The following NTN1 variants were observed in gnomAD, a reference collection of about 807,000 sequenced individuals.
The protein encoded by NTN1 is netrin 1.
In NTN1, 11 loss-of-function variants were observed where a neutral mutation model predicts 54.2. The observed-to-expected ratio is 0.20, with a 90% confidence interval of 0.13 to 0.34. The LOEUF (loss-of-function observed/expected upper bound fraction) is 0.34, where lower values mean the gene tolerates loss of function less well. Among genes scored for constraint, NTN1 ranks in the 10% least tolerant of loss-of-function variants. The pLI is 1.00. For synonymous variants in NTN1, 371 were observed against 382.0 expected (o/e 0.97, Z 0.33); for missense variants, 740 against 893.1 (o/e 0.83, Z 2.18).
chr17:9,175,554 A>G (rs2092397818), intron 3 of NTN1: 1 of 152,214 alleles, frequency 6.6e-6, no homozygotes, highest in African/African-American at 2.4e-5. Context: ...TTAAGTTGTA[A>G]GTCACTTCAG....
intron 2 of NTN1, among the ~76,000 whole-genome samples, chr17:9,090,176 T>C (rs1262900069): frequency 1.3e-5 from 2 of 151,520 alleles, no homozygotes; most frequent in East Asian, 1.9e-4. Context: ...TTTTTTTTTT[T>C]CTTTTTCTTT....
At chr17:9,230,678 T>TG (rs11369716) in intron 6 of NTN1, among the ~76,000 whole-genome samples, 68,028 of 151,834 alleles carry the variant, frequency 0.45, 15,289 homozygotes, top group East Asian at 0.61. Context: ...CAGGAGGCTC[T>TG]GGGGGGATGC....
Position 9,243,901 on chromosome 17 carries a change from G to C in NTN1, c.*3933G>C, listed in dbSNP as rs969839374. Reference sequence around the variant, plus strand: ...TTCCTTTTTTTTGGGGGGGGGTGGGGGGTTGGTTAGAGTTGTAATGGACCC... The same window carrying C: ...TTCCTTTTTTTTGGGGGGGGGTGGGCGGTTGGTTAGAGTTGTAATGGACCC... On this transcript the variant is annotated 3_prime_UTR_variant, in exon 7 of 7. Coordinates refer to ENST00000173229, the MANE Select transcript of NTN1 (RefSeq NM_004822.3). The C allele has an allele frequency of 5.5e-5, 8 of 145,876 alleles. No individual in the cohort carries two copies. Among genetic ancestry groups the C allele is most frequent in the African/African-American group, 1.8e-4 (7 of 39,896 alleles). 9.0% of individuals were successfully genotyped at this position (145,876 alleles called of 1,614,324 possible). A position where few individuals can be genotyped will look rare whatever the true frequency, so the allele number is the denominator to read the frequency against.
the NTN1 span, among the ~76,000 whole-genome samples, chr17:9,012,715 C>A: frequency 6.6e-6 from 1 of 152,086 alleles, no homozygotes; most frequent in Non-Finnish European, 1.5e-5. Flanking sequence ...AATCCACCTC[C>A]CCTCCTGGCA....
chr17:9,064,083 A>G (rs1000316247), intron 2 of NTN1, among the ~76,000 whole-genome samples: 1 of 152,072 alleles, frequency 6.6e-6, no homozygotes, highest in African/African-American at 2.4e-5. Flanking sequence ...CTCTCCTTGG[A>G]GGAACAGGAA....
intron 2 of NTN1, among the ~76,000 whole-genome samples, chr17:9,070,305 C>T (rs1054730576): frequency 9.2e-5 from 14 of 152,070 alleles, no homozygotes; most frequent in Non-Finnish European, 1.5e-4. Context: ...ATGAGCCTTC[C>T]GGGTGGATCT....
intron 3 of NTN1, among the ~76,000 whole-genome samples, chr17:9,169,791 G>A (rs2092382488): frequency 6.6e-6 from 1 of 152,232 alleles, no homozygotes; most frequent in South Asian, 2.1e-4. Context: ...CTTGAGCCTG[G>A]GAGGCAGAGG....
intron 2 of NTN1, among the ~76,000 whole-genome samples, chr17:9,105,623 T>C (rs938200667): frequency 6.6e-6 from 1 of 152,144 alleles, no homozygotes; most frequent in Non-Finnish European, 1.5e-5. Context: ...TCCTAAAAGA[T>C]GTTTGGTTCC....
At chr17:9,168,301 G>A (rs1567727095) in intron 3 of NTN1, among the ~76,000 whole-genome samples, 2 of 152,188 alleles carry the variant, frequency 1.3e-5, no homozygotes, top group Admixed American at 6.5e-5. Flanking sequence ...GGGAGGCCAC[G>A]GCGGGCGGAT....
chr17:9,221,755 C>T lies in NTN1; in HGVS notation c.1486+513C>T, dbSNP rs1246230739. 2.0e-5 allele frequency among the ~76,000 whole-genome samples: 3 copies of T among 152,294 alleles called. No homozygotes were observed. Among genetic ancestry groups the T allele is most frequent in the East Asian group, 1.9e-4 (1 of 5,172 alleles). ...CCCATGCACCGGAAGTTCCGCTGCC[C>T]AGACCCATGGAGCAGACAGTCCTGG... On this transcript the variant is annotated intron_variant, in intron 6 of 6. Transcript: ENST00000173229. The surrounding 1 kb of genome is among the most constrained non-coding windows in gnomAD (Gnocchi z 4.5).
intron 2 of NTN1, among the ~76,000 whole-genome samples, chr17:9,041,774 G>A (rs936734125): frequency 5.3e-5 from 8 of 151,920 alleles, no homozygotes; most frequent in South Asian, 2.1e-4. Context: ...TTTGGGAGGC[G>A]GAGGCGGGTG....
Sources: gnomAD v4.1 joint callset for allele counts (sites outside exome capture counted in the v4.1 genomes callset) on GRCh38, gnomAD v4.1.1 for gene constraint, Gnocchi (gnomAD v3.1) non-coding constraint, MANE v1.5 for transcripts, NCBI Gene and HGNC (gene_info 2026-07-23, HGNC 2026-07-21) for gene names.